The following ARB2A variants were observed in gnomAD, a reference collection of about 807,000 sequenced individuals.
The protein encoded by ARB2A is cotranscriptional regulator ARB2A.
the ARB2A span, among the ~76,000 whole-genome samples, chr5:94,017,056 T>C: frequency 2.6e-5 from 4 of 152,154 alleles, no homozygotes; most frequent in African/African-American, 9.7e-5. Flanking sequence ...TGGAAGAATA[T>C]GAGAAGCCAG....
chr5:93,691,184 A>G, the ARB2A span, among the ~76,000 whole-genome samples: 2 of 152,060 alleles, frequency 1.3e-5, no homozygotes, highest in African/African-American at 4.8e-5. Flanking sequence ...ACTTTGACAA[A>G]TTGACAGAAG....
At chr5:93,848,766 A>G in the ARB2A span, among the ~76,000 whole-genome samples, 2 of 152,230 alleles carry the variant, frequency 1.3e-5, no homozygotes, top group African/African-American at 2.4e-5. Flanking sequence ...CTCATATGCT[A>G]TAAAGATTGT....
the ARB2A span, among the ~76,000 whole-genome samples, chr5:93,913,750 T>A: frequency 1.3e-5 from 2 of 152,040 alleles, no homozygotes; most frequent in African/African-American, 4.8e-5. Flanking sequence ...CTTTTAAGCC[T>A]ATGTAACAAA....
the ARB2A span, among the ~76,000 whole-genome samples, chr5:94,022,322 C>T: frequency 3.3e-5 from 5 of 152,292 alleles, no homozygotes; most frequent in South Asian, 1.0e-3. Flanking sequence ...CAGATGGTGG[C>T]TGATAATCAG....
At chr5:93,921,602 C>T in the ARB2A span, among the ~76,000 whole-genome samples, 2 of 151,908 alleles carry the variant, frequency 1.3e-5, no homozygotes, top group South Asian at 4.2e-4. Flanking sequence ...AAAAAAAATG[C>T]CACAAAAGAC....
the ARB2A span, among the ~76,000 whole-genome samples, chr5:93,834,301 C>G: frequency 6.6e-6 from 1 of 152,122 alleles, no homozygotes; most frequent in African/African-American, 2.4e-5. Context: ...AAGGGCAGTG[C>G]CATATTCAAA....
chr5:93,696,664 A>AGTGTTTTTTT, the ARB2A span, among the ~76,000 whole-genome samples: 4 of 152,172 alleles, frequency 2.6e-5, no homozygotes, highest in Non-Finnish European at 5.9e-5. Flanking sequence ...AATGTGGAGA[A>AGTGTTTTTTT]TGCAGTAGTA....
At chr5:93,837,356 G>C in the ARB2A span, among the ~76,000 whole-genome samples, 3 of 152,118 alleles carry the variant, frequency 2.0e-5, no homozygotes, top group African/African-American at 7.2e-5. Flanking sequence ...TCCTTCTGCA[G>C]TCTACCACTG....
At chr5:93,824,117 T>A in the ARB2A span, 2 of 1,503,508 alleles carry the variant, frequency 1.3e-6, no homozygotes, top group African/African-American at 1.4e-5. Flanking sequence ...ACAAGGAGAC[T>A]GGAACTACAG....
the ARB2A span, among the ~76,000 whole-genome samples, chr5:93,883,924 T>TACACACACACACAC: frequency 2.3e-4 from 31 of 133,948 alleles, no homozygotes; most frequent in African/African-American, 7.7e-4. Flanking sequence ...CACATACACA[T>TACACACACACACAC]ACACACACAC....
the ARB2A span, among the ~76,000 whole-genome samples, chr5:93,686,035 G>C: frequency 1.3e-5 from 2 of 152,136 alleles, no homozygotes; most frequent in Admixed American, 1.3e-4. Context: ...CATCAGCTAA[G>C]TGCTTTACAT....
At chr5:93,620,998 C>G in the ARB2A span, 28 of 1,610,720 alleles carry the variant, frequency 1.7e-5, no homozygotes, top group African/African-American at 4.0e-5. Context: ...TACAGCTCTT[C>G]GTGCTTGATG....
At chr5:94,086,678 G>A in the ARB2A span, among the ~76,000 whole-genome samples, 1 of 151,910 alleles carries the variant, frequency 6.6e-6, no homozygotes, top group Non-Finnish European at 1.5e-5. Context: ...TCAGACTCCC[G>A]AGTAGCTGAG....
At chr5:94,013,334 C>T in the ARB2A span, among the ~76,000 whole-genome samples, 21 of 152,074 alleles carry the variant, frequency 1.4e-4, no homozygotes, top group African/African-American at 3.1e-4. Flanking sequence ...CCCGCCACCA[C>T]GCCCAGCTAA....
At chr5:93,841,692 G>A in the ARB2A span, among the ~76,000 whole-genome samples, 1 of 152,170 alleles carries the variant, frequency 6.6e-6, no homozygotes, top group East Asian at 1.9e-4. Context: ...GTTCATACGT[G>A]TAATCTTAAT....
the ARB2A span, chr5:93,781,819 T>C: frequency 3.4e-6 from 3 of 892,486 alleles, no homozygotes; most frequent in African/African-American, 1.8e-5. Flanking sequence ...GCCACTTACA[T>C]GTATCACATT....
chr5:93,684,617 AAAT>A, the ARB2A span, among the ~76,000 whole-genome samples: 2 of 152,212 alleles, frequency 1.3e-5, no homozygotes, highest in African/African-American at 4.8e-5. Flanking sequence ...AAATAGTAAA[AAAT>A]TTTAAAGCAC....
the ARB2A span, among the ~76,000 whole-genome samples, chr5:93,726,718 A>G: frequency 1.3e-5 from 2 of 152,070 alleles, no homozygotes; most frequent in Non-Finnish European, 2.9e-5. Flanking sequence ...CTTAAAATGA[A>G]GAGTCTGTAC....
At chr5:93,977,442 C>T in the ARB2A span, among the ~76,000 whole-genome samples, 8 of 151,986 alleles carry the variant, frequency 5.3e-5, no homozygotes, top group Non-Finnish European at 1.2e-4. Context: ...GAACAGAATA[C>T]GGACCCCCTG....
Sources: allele counts gnomAD v4.1 joint callset (sites outside exome capture counted in the v4.1 genomes callset), GRCh38; gene constraint gnomAD v4.1.1; transcripts MANE v1.5; gene names NCBI Gene and HGNC (gene_info 2026-07-23, HGNC 2026-07-21).